The following SYT13 variants were observed in gnomAD, a reference collection of about 807,000 sequenced individuals.
The protein encoded by SYT13 is synaptotagmin-13.
SYT13 carries 21 observed loss-of-function variants against 38.6 expected under a neutral mutation model. The observed-to-expected ratio is 0.54, with a 90% CI of 0.39 to 0.78. SYT13 has a LOEUF of 0.78. Among genes scored for constraint, SYT13 ranks in the 30% least tolerant of loss-of-function variants. The probability of loss-of-function intolerance (pLI) is 0.00; values close to 1 mark genes in which losing one functional copy is unlikely to be tolerated. For missense variants in SYT13, 495 were observed against 548.7 expected (o/e 0.90, Z 0.98); for synonymous variants, 241 against 237.6 (o/e 1.01, Z -0.13).
In SYT13 at chr11:45,252,380, C is replaced by A. The variant is rs1479607760; in HGVS notation, c.846+41G>T. 6.6e-7 allele frequency: 1 copy of A among 1,519,214 alleles called. No individual in the cohort carries two copies. Among genetic ancestry groups the A allele is most frequent in the African/African-American group, 1.4e-5 (1 of 73,000 alleles). 94.1% of individuals were successfully genotyped at this position (1,519,214 alleles called of 1,614,324 possible). A position where few individuals can be genotyped will look rare whatever the true frequency, so the allele number is the denominator to read the frequency against. On this transcript the variant is annotated intron_variant, in intron 4 of 5. Transcript: ENST00000020926. This position sits in a 1 kb window ranked among gnomAD's most constrained non-coding sequence, Gnocchi z 4.3. ...CACCAGGTTCTGCCATCCCATGCTG[C>A]ACGGGCAGGTTTTACCTTTCTAACC... is the stretch of plus-strand genomic sequence containing the variant.
At chr11:45,254,094 G>T in intron 3 of SYT13, 176 bp downstream of exon 3, 1 of 612,742 alleles carries the variant, frequency 1.6e-6, no homozygotes, top group Non-Finnish European at 2.5e-6. Context: ...ACTTTGGACT[G>T]TTGGGGTTGG....
Position 45,273,782 on chromosome 11 carries a change from A to T in SYT13, c.183+12243T>A, listed in dbSNP as rs117428920. Among the ~76,000 whole-genome samples, 98 of 152,384 alleles carry T rather than the reference A, an allele frequency of 6.4e-4. 2 individuals carry two copies. In the East Asian group the frequency reaches 0.014, roughly 21 times the overall value. ...ATGTTCATGTTCCCCTTTTCATTCT[A>T]ACAGACACGTTTCATTTATCACGTC... On this transcript the variant is annotated intron_variant, in intron 1 of 5. Coordinates refer to ENST00000020926, the MANE Select transcript of SYT13 (RefSeq NM_020826.3).
At chr11:45,273,940 G>A (rs16938208) in intron 1 of SYT13, among the ~76,000 whole-genome samples, 4,126 of 152,248 alleles carry the variant, frequency 0.027, 163 homozygotes, top group African/African-American at 0.087. Flanking sequence ...TGCTGAATCC[G>A]TTGGGTGCTT....
chr11:45,285,637 T>C lies in SYT13; in HGVS notation c.183+388A>G, dbSNP rs547203665. On this transcript the variant is annotated intron_variant, in intron 1 of 5. Coordinates refer to ENST00000020926, the MANE Select transcript of SYT13 (RefSeq NM_020826.3). ...TCCCAATTCTGCAAACTCCTCATTC[T>C]CTGGTACCTCTCAGGGTCTTCCCTA... 5.3e-5 allele frequency among the ~76,000 whole-genome samples: 8 copies of C among 152,222 alleles called. No individual in the cohort carries two copies. In the South Asian group the frequency reaches 1.5e-3, roughly 28 times the overall value.
rs549996750 is a variant in SYT13 at position 45,268,514 on chromosome 11, T to C, written c.184-12623A>G. 2.6e-5 allele frequency among the ~76,000 whole-genome samples: 4 copies of C among 152,314 alleles called. No individual in the cohort carries two copies. In the South Asian group the frequency reaches 8.3e-4, roughly 32 times the overall value. ...ATATGCAGCTTTACCATGTATCAGA[T>C]ACAAGTCTGAGCATTTTACCCATTC... On this transcript the variant is annotated intron_variant, in intron 1 of 5. Transcript: ENST00000020926.
intron 1 of SYT13, among the ~76,000 whole-genome samples, chr11:45,273,145 A>G (rs1834189608): frequency 6.6e-6 from 1 of 152,224 alleles, no homozygotes. Context: ...AAGGAAAGCA[A>G]CAAGGAATGG....
At chr11:45,270,147 C>G (rs1284127943) in intron 1 of SYT13, among the ~76,000 whole-genome samples, 2 of 152,166 alleles carry the variant, frequency 1.3e-5, no homozygotes, top group African/African-American at 4.8e-5. Context: ...ACTTCTGCCC[C>G]CTCTCCTGTC....
At chr11:45,256,881 A>G (rs1442062172) in intron 1 of SYT13, among the ~76,000 whole-genome samples, 2 of 152,148 alleles carry the variant, frequency 1.3e-5, no homozygotes, top group African/African-American at 4.8e-5. Flanking sequence ...TGACTTGCAA[A>G]ATCAATTTCC....
At chr11:45,273,628 T>C (rs899273420) in intron 1 of SYT13, among the ~76,000 whole-genome samples, 1 of 152,222 alleles carries the variant, frequency 6.6e-6, no homozygotes, top group African/African-American at 2.4e-5. Context: ...CCCTCTAGAA[T>C]ATTAACGACA....
Position 45,275,297 on chromosome 11 carries a change from G to T in SYT13, c.183+10728C>A, listed in dbSNP as rs1854997346. On this transcript the variant is annotated intron_variant, in intron 1 of 5. Coordinates refer to ENST00000020926, the MANE Select transcript of SYT13 (RefSeq NM_020826.3). ...GGTGGGGATAGGGAGAGGAATCAAT[G>T]AAATATGTCAAAATATTCTAGGGTC... is the stretch of plus-strand genomic sequence containing the variant. Among the ~76,000 whole-genome samples, 3 of 152,178 alleles carry T rather than the reference G, an allele frequency of 2.0e-5. No homozygotes were observed. The South Asian group carries it at 6.2e-4, about 32-fold the overall frequency.
Position 45,252,440 on chromosome 11 carries a change from T to C in SYT13, c.827A>G (p.Glu276Gly), listed in dbSNP as rs1043954457. The change falls in exon 4 of 6, where the codon GAG becomes GGG. Residue 276 changes from glutamate (E) to glycine (G), a missense_variant. By Grantham distance (98) the Glu-to-Gly change is moderately conservative (BLOSUM62 -2). Coordinates refer to ENST00000020926, the MANE Select transcript of SYT13 (RefSeq NM_020826.3). The surrounding 1 kb of genome is among the most constrained non-coding windows in gnomAD (Gnocchi z 4.3). ...CCCTACCTTCGCTGAAGTCTTCAGC[T>C]CGCCCCACTGGGCAGCCCCTAGAGG... Reference protein sequence around the residue: ...SVPLGAAQWGELKTSAKEPSA... With the variant: ...SVPLGAAQWGGLKTSAKEPSA... The C allele has an allele frequency of 6.3e-7, 1 of 1,592,652 alleles. No homozygotes were observed. The highest frequency in any genetic ancestry group is 8.6e-7 in the Non-Finnish European group (1 of 1,166,396).
intron 4 of SYT13, among the ~76,000 whole-genome samples, chr11:45,251,433 CT>C (rs1336533788): frequency 7.2e-6 from 1 of 138,332 alleles, no homozygotes; most frequent in African/African-American, 2.7e-5. Context: ...CAGTATTTTG[CT>C]TTTTGCTTTA....
At chr11:45,247,315 G>A (rs1854625177) in intron 4 of SYT13, among the ~76,000 whole-genome samples, 1 of 152,248 alleles carries the variant, frequency 6.6e-6, no homozygotes, top group Non-Finnish European at 1.5e-5. Context: ...AGAAGGGAGT[G>A]TGTGGGCAGG....
chr11:45,265,711 C>T (rs938689409), intron 1 of SYT13, among the ~76,000 whole-genome samples: 2 of 152,118 alleles, frequency 1.3e-5, no homozygotes, highest in African/African-American at 4.8e-5. Context: ...CCTGATCACC[C>T]CTCAAAGGGC....
In SYT13 at chr11:45,252,524, C is replaced by A; in HGVS notation, c.743G>T (p.Arg248Leu). ...CCCGGCCACGCTGTGACGGGAGAAG[C>A]GGTCGCAGGTCCTCAAGGTCAGCGT... is the stretch of plus-strand genomic sequence containing the variant. ...TLTLTLRTCD[R>L]FSRHSVAGEL... The change falls in exon 4 of 6, where the codon CGC (arginine) becomes CTC (leucine). Residue 248 changes from arginine (R) to leucine (L), a missense_variant. Physicochemically the swap from Arg to Leu is moderately radical, Grantham distance 102. Coordinates refer to ENST00000020926, the MANE Select transcript of SYT13 (RefSeq NM_020826.3). The surrounding 1 kb of genome is among the most constrained non-coding windows in gnomAD (Gnocchi z 4.3). 6.2e-7 allele frequency: 1 copy of A among 1,614,048 alleles called. No individual in the cohort carries two copies. The highest frequency in any genetic ancestry group is 8.5e-7 in the Non-Finnish European group (1 of 1,180,034).
intron 4 of SYT13, among the ~76,000 whole-genome samples, chr11:45,248,884 C>T (rs1224069739): frequency 1.3e-5 from 2 of 152,198 alleles, no homozygotes; most frequent in African/African-American, 4.8e-5. Flanking sequence ...AACACCTGCT[C>T]CCTGGGCACT....
chr11:45,256,014 C>A, intron 1 of SYT13, 123 bp from the exon 2 acceptor site: 1 of 1,030,802 alleles, frequency 9.7e-7, no homozygotes, highest in Non-Finnish European at 1.4e-6. Context: ...TGGTTTCATT[C>A]TGCTCTGAAG....
intron 4 of SYT13, among the ~76,000 whole-genome samples, chr11:45,249,292 A>T (rs990042047): frequency 2.0e-5 from 3 of 152,242 alleles, no homozygotes; most frequent in African/African-American, 7.2e-5. Context: ...ATGCTTTTAC[A>T]CTGTTGGTGG....
chr11:45,243,912 G>C lies in SYT13; in HGVS notation c.*140C>G. Reference sequence around the variant, plus strand: ...TCTTGCTTATTTCTAAGAAACAAGAGTATGATGAGAGAGCCATCCCAGCCT... The same window carrying C: ...TCTTGCTTATTTCTAAGAAACAAGACTATGATGAGAGAGCCATCCCAGCCT... On this transcript the variant is annotated 3_prime_UTR_variant, in exon 6 of 6. Transcript: ENST00000020926. 1.2e-6 allele frequency: 1 copy of C among 856,186 alleles called. No individual in the cohort carries two copies. The highest frequency in any genetic ancestry group is 2.5e-5 in the East Asian group (1 of 40,632). 53.0% of individuals were successfully genotyped at this position (856,186 alleles called of 1,614,324 possible).
Sources: allele counts gnomAD v4.1 joint callset (sites outside exome capture counted in the v4.1 genomes callset), GRCh38; gene constraint gnomAD v4.1.1; non-coding constraint Gnocchi (gnomAD v3.1); transcripts MANE v1.5; gene names NCBI Gene and HGNC (gene_info 2026-07-23, HGNC 2026-07-21).